The following ITFG1 variants were observed in gnomAD, a reference collection of about 807,000 sequenced individuals.
The protein encoded by ITFG1 is T-cell immunomodulatory protein.
In ITFG1, 34 loss-of-function variants were observed where a neutral mutation model predicts 81.8. The ratio of observed to expected loss-of-function variants is 0.42; its 90% CI spans 0.32 to 0.55. ITFG1 has a LOEUF of 0.55. Ranked by LOEUF, ITFG1 falls within the 20% of genes least tolerant of loss-of-function variation. The pLI is 0.17. For missense variants in ITFG1, 672 were observed against 755.4 expected, an observed-to-expected ratio of 0.89 and a Z score of 1.29; for synonymous variants, 285 against 270.6, an observed-to-expected ratio of 1.05 and a Z score of -0.52.
chr16:47,457,602 G>A (rs1244800982), intron 2 of ITFG1, among the ~76,000 whole-genome samples: 1 of 152,004 alleles, frequency 6.6e-6, no homozygotes, highest in Non-Finnish European at 1.5e-5. Context: ...AGAGAAACAG[G>A]GGTGTGGGGG....
At chr16:47,162,230 A>G (rs1964818062) in intron 15 of ITFG1, among the ~76,000 whole-genome samples, 1 of 151,838 alleles carries the variant, frequency 6.6e-6, no homozygotes, top group Admixed American at 6.6e-5. Flanking sequence ...AATATTATTT[A>G]TGTTACTAAA....
chr16:47,343,060 C>T (rs925633125), intron 8 of ITFG1, among the ~76,000 whole-genome samples: 27 of 152,040 alleles, frequency 1.8e-4, no homozygotes, highest in Non-Finnish European at 3.2e-4. Context: ...TAGAAGAATA[C>T]AGTTGGAAGA....
intron 17 of ITFG1, among the ~76,000 whole-genome samples, chr16:47,156,069 A>G (rs1964699361): frequency 6.6e-6 from 1 of 152,228 alleles, no homozygotes; most frequent in South Asian, 2.1e-4. Context: ...GAAAATAGGA[A>G]TAAGTATTAG....
intron 8 of ITFG1, among the ~76,000 whole-genome samples, chr16:47,334,971 G>T (rs1219641398): frequency 2.0e-5 from 3 of 152,124 alleles, no homozygotes; most frequent in Non-Finnish European, 4.4e-5. Context: ...ATTAAGCAAA[G>T]AATTCTTAGA....
intron 6 of ITFG1, among the ~76,000 whole-genome samples, chr16:47,415,602 A>T (rs1448244797): frequency 6.6e-6 from 1 of 152,234 alleles, no homozygotes; most frequent in African/African-American, 2.4e-5. Context: ...TGGTTTTCAC[A>T]TATGAAAAAG....
rs566562670 is a variant in ITFG1, at chr16:47,248,419, A to G, written c.1330+10213T>C. Among the ~76,000 whole-genome samples the G allele has an allele frequency of 7.3e-4, 111 of 152,302 alleles. 1 individual carries two copies. Among genetic ancestry groups the G allele is most frequent in the African/African-American group, 2.4e-3 (99 of 41,558 alleles). On this transcript the variant is annotated intron_variant, in intron 12 of 17. Transcript: ENST00000320640. The stretch of plus-strand genomic sequence containing the variant: ...GAAAACAAAACTAAATAAATACTAA[A>G]CCAAAACCTTACCAATAAAAAAAAG...
intron 13 of ITFG1, among the ~76,000 whole-genome samples, chr16:47,230,259 T>C (rs567798613): frequency 1.3e-5 from 2 of 151,070 alleles, no homozygotes; most frequent in South Asian, 4.2e-4. Flanking sequence ...GACAGAGAGG[T>C]AGGAGGAGAG....
chr16:47,407,798 A>G (rs1314888226), intron 6 of ITFG1, among the ~76,000 whole-genome samples: 2 of 152,214 alleles, frequency 1.3e-5, no homozygotes, highest in Admixed American at 6.5e-5. Flanking sequence ...AAAAGTGGAC[A>G]TGGCTAGTAG....
chr16:47,254,565 C>T (rs146991682), intron 12 of ITFG1, among the ~76,000 whole-genome samples: 6 of 152,248 alleles, frequency 3.9e-5, no homozygotes, highest in Middle Eastern at 6.8e-3. Flanking sequence ...CAGCAAAACT[C>T]ACAAGTATAG....
chr16:47,401,332 A>T (rs577833730), intron 6 of ITFG1, among the ~76,000 whole-genome samples: 4 of 152,224 alleles, frequency 2.6e-5, no homozygotes, highest in Non-Finnish European at 5.9e-5. Flanking sequence ...AATCCGTGAG[A>T]GGTCTAGAAT....
chr16:47,453,266 C>T (rs1382531741), intron 3 of ITFG1, among the ~76,000 whole-genome samples: 8 of 152,116 alleles, frequency 5.3e-5, no homozygotes, highest in Non-Finnish European at 5.9e-5. Context: ...GTGCAGAAAA[C>T]ATGACTGAAA....
intron 10 of ITFG1, among the ~76,000 whole-genome samples, chr16:47,298,274 T>A (rs1051270660): frequency 4.6e-5 from 7 of 152,222 alleles, no homozygotes; most frequent in African/African-American, 1.4e-4. Flanking sequence ...TTTATTTCCA[T>A]GAGATTCTTT....
At chr16:47,404,498 C>T (rs1347384670) in intron 6 of ITFG1, among the ~76,000 whole-genome samples, 1 of 152,102 alleles carries the variant, frequency 6.6e-6, no homozygotes, top group East Asian at 1.9e-4. Flanking sequence ...ATACCCTATT[C>T]CCTTAACAAA....
intron 8 of ITFG1, among the ~76,000 whole-genome samples, chr16:47,363,997 G>A (rs1263609907): frequency 6.6e-6 from 1 of 152,082 alleles, no homozygotes; most frequent in African/African-American, 2.4e-5. Context: ...CCTTGTTTTG[G>A]TTCAAAGGAA....
intron 6 of ITFG1, among the ~76,000 whole-genome samples, chr16:47,423,796 C>T (rs192995873): frequency 2.6e-5 from 4 of 152,332 alleles, no homozygotes; most frequent in East Asian, 3.9e-4. Flanking sequence ...CTGAGAGATC[C>T]GCTGTTAGTC....
chr16:47,318,715 T>C (rs533331240), intron 8 of ITFG1, among the ~76,000 whole-genome samples: 71 of 152,244 alleles, frequency 4.7e-4, no homozygotes, highest in Admixed American at 1.2e-3. Context: ...CATAAATATA[T>C]TACATGTAAA....
At chr16:47,384,190 A>G (rs1336282348) in intron 6 of ITFG1, among the ~76,000 whole-genome samples, 1 of 152,222 alleles carries the variant, frequency 6.6e-6, no homozygotes, top group Non-Finnish European at 1.5e-5. Context: ...AGTTATGAGA[A>G]GTTGCTGGTC....
intron 8 of ITFG1, among the ~76,000 whole-genome samples, chr16:47,347,687 AAG>A (rs1420136184): frequency 6.6e-6 from 1 of 152,198 alleles, no homozygotes; most frequent in Non-Finnish European, 1.5e-5. Context: ...GACAGCTTTG[AAG>A]AGAGTAGTGG....
At chr16:47,414,282 G>A (rs1051647387) in intron 6 of ITFG1, among the ~76,000 whole-genome samples, 3 of 150,736 alleles carry the variant, frequency 2.0e-5, no homozygotes, top group Non-Finnish European at 4.4e-5. Context: ...TCCCAGTTCT[G>A]GGAGGCACAA....
Sources: gnomAD v4.1 joint callset for allele counts (sites outside exome capture counted in the v4.1 genomes callset) on GRCh38, gnomAD v4.1.1 for gene constraint, MANE v1.5 for transcripts, NCBI Gene and HGNC (gene_info 2026-07-23, HGNC 2026-07-21) for gene names.